Variants in NTAN1 observed in about 807,000 individuals in gnomAD.
NTAN1 encodes the protein N-terminal asparagine amidase, also known as protein N-terminal asparagine amidohydrolase.
Under a neutral mutation model 41.9 loss-of-function variants are expected in NTAN1, and 32 were observed. The observed-to-expected ratio is 0.76, with a 90% confidence interval of 0.58 to 1.03. NTAN1 has a LOEUF of 1.03. Among genes scored for constraint, NTAN1 ranks in the 50% least tolerant of loss-of-function variants. The pLI, the probability that NTAN1 is intolerant of heterozygous loss-of-function variation, is 0.00. For synonymous variants in NTAN1, 140 were observed against 139.5 expected, an observed-to-expected ratio of 1.00 and a Z score of -0.03; for missense variants, 377 against 377.5, an observed-to-expected ratio of 1.00 and a Z score of 0.01.
At chr16:15,047,743 G>A (rs1384268194) in intron 3 of NTAN1, 112 bp downstream of exon 3, 30 of 1,013,894 alleles carry the variant, frequency 3.0e-5, no homozygotes, top group Non-Finnish European at 7.8e-6. Flanking sequence ...CAGAAAAAAG[G>A]TAAGCGGAGT....
Position 15,055,981 on chromosome 16 carries a change from G to A in NTAN1, c.-10C>T, listed in dbSNP as rs917717457. On this transcript the variant is annotated 5_prime_UTR_variant, in exon 1 of 10. Coordinates refer to ENST00000287706, the MANE Select transcript of NTAN1 (RefSeq NM_173474.4). ...CGACGAGCAGCGGCATCGCGGAGGCGGCCGCCCAGGCAGGCCCAGGGAGGC... is the reference window on the plus strand; with the variant it reads ...CGACGAGCAGCGGCATCGCGGAGGCAGCCGCCCAGGCAGGCCCAGGGAGGC... The A allele has an allele frequency of 1.2e-5, 15 of 1,215,700 alleles. No individual in the cohort carries two copies. The highest frequency in any genetic ancestry group is 3.2e-4 in the Middle Eastern group (1 of 3,168). The allele number at this position is 1,215,700 out of a possible 1,614,324, so 75.3% of individuals were successfully genotyped here. A position where few individuals can be genotyped will look rare whatever the true frequency, so the allele number is the denominator to read the frequency against.
intron 1 of NTAN1, 46 bp downstream of exon 1, chr16:15,055,845 C>T: frequency 9.4e-7 from 1 of 1,060,596 alleles, no homozygotes; most frequent in Non-Finnish European, 1.2e-6. Flanking sequence ...CGCCCTGCAG[C>T]TTCCCCTCGG....
At chr16:15,040,952 G>A (rs1230041806) in intron 7 of NTAN1, 116 bp downstream of exon 7, 4 of 758,162 alleles carry the variant, frequency 5.3e-6, no homozygotes, top group African/African-American at 3.5e-5. Context: ...GAGTAGCTGG[G>A]ATCTGAACCC....
chr16:15,042,656 C>A (rs1350097529), intron 5 of NTAN1, among the ~76,000 whole-genome samples: 1 of 152,116 alleles, frequency 6.6e-6, no homozygotes, highest in African/African-American at 2.4e-5. Flanking sequence ...TCTCTATGCA[C>A]ATTTCAGATT....
intron 7 of NTAN1, 49 bp downstream of exon 7, chr16:15,041,019 C>T: frequency 1.6e-6 from 2 of 1,271,944 alleles, no homozygotes; most frequent in Admixed American, 1.7e-5. Context: ...TAGACTTTAA[C>T]TGCACATGTG....
At chr16:15,039,908 G>A (rs956056062) in intron 8 of NTAN1, 61 bp downstream of exon 8, 1 of 932,164 alleles carries the variant, frequency 1.1e-6, no homozygotes, top group African/African-American at 1.7e-5. Flanking sequence ...AAAAACTTAA[G>A]GCCTTGACAT....
chr16:15,047,361 C>T (rs2044116556), intron 4 of NTAN1, 81 bp downstream of exon 4: 3 of 920,240 alleles, frequency 3.3e-6, no homozygotes, highest in Non-Finnish European at 3.6e-6. Flanking sequence ...TCCTGTGTTC[C>T]CCTAACAGCT....
At chr16:15,038,409 A>ATCCCCATTTGATAT in intron 9 of NTAN1, 165 bp downstream of exon 9, 1 of 624,332 alleles carries the variant, frequency 1.6e-6, no homozygotes, top group Non-Finnish European at 2.8e-6. Flanking sequence ...GACTTGACAT[A>ATCCCCATTTGATAT]TCCCCATTTG....
At chr16:15,041,029 G>C (rs922989358) in intron 7 of NTAN1, 39 bp downstream of exon 7, 33 of 1,422,732 alleles carry the variant, frequency 2.3e-5, no homozygotes, top group Non-Finnish European at 2.9e-5. Flanking sequence ...CTGCACATGT[G>C]ACCAAGACTC....
chr16:15,052,476 T>C (rs1395850188), intron 1 of NTAN1, among the ~76,000 whole-genome samples: 1 of 152,150 alleles, frequency 6.6e-6, no homozygotes, highest in Admixed American at 6.5e-5. Flanking sequence ...GTTTATCAAT[T>C]CTTCCTTTAT....
rs1036066573 is a variant in NTAN1, at chr16:15,047,160, G to A, written c.359+282C>T. On this transcript the variant is annotated intron_variant, in intron 4 of 9. Coordinates refer to ENST00000287706, the MANE Select transcript of NTAN1 (RefSeq NM_173474.4). ...TACCACACCCGGGGGAGAGCAAAAC[G>A]ATGTGAAAATCGCAACCTCGACGTT... 9 of 462,604 alleles carry A rather than the reference G, an allele frequency of 1.9e-5. No homozygotes were observed. In the East Asian group the frequency reaches 2.3e-4, roughly 12 times the overall value. 28.7% of individuals were successfully genotyped at this position (462,604 alleles called of 1,614,324 possible).
At position 15,047,432 on chromosome 16, in the gene NTAN1, T is replaced by A; in HGVS notation, c.359+10A>T. 1 of 1,526,880 alleles carries A rather than the reference T, an allele frequency of 6.5e-7. No individual in the cohort carries two copies. Among genetic ancestry groups the A allele is most frequent in the Non-Finnish European group, 9.1e-7 (1 of 1,100,126 alleles). 94.6% of individuals were successfully genotyped at this position (1,526,880 alleles called of 1,614,324 possible). A position where few individuals can be genotyped will look rare whatever the true frequency, so the allele number is the denominator to read the frequency against. ...TCTCAATTCACCTATGAGAGCAGCG[T>A]AGATCTCACCTTCCACATTGAGCGT... On this transcript the variant is annotated intron_variant, in intron 4 of 9. Transcript: ENST00000287706.
chr16:15,052,961 G>C (rs1640691974), intron 1 of NTAN1, among the ~76,000 whole-genome samples: 1 of 152,168 alleles, frequency 6.6e-6, no homozygotes, highest in Admixed American at 6.5e-5. Context: ...GGTTAAGAGT[G>C]ACTAAGGGAG....
intron 3 of NTAN1, 32 bp from the exon 4 acceptor site, chr16:15,047,582 T>C (rs923858115): frequency 1.5e-5 from 22 of 1,474,714 alleles, no homozygotes; most frequent in Non-Finnish European, 1.2e-5. Flanking sequence ...ACTCAAGTTA[T>C]TCCCTGATGC....
At chr16:15,055,826 G>T in intron 1 of NTAN1, 65 bp downstream of exon 1, 2 of 880,574 alleles carry the variant, frequency 2.3e-6, no homozygotes, top group East Asian at 3.4e-5. Flanking sequence ...CGTGAGGGGG[G>T]CGCTAGCCCG....
chr16:15,050,095 G>C (rs2044238421), intron 1 of NTAN1, among the ~76,000 whole-genome samples: 1 of 152,044 alleles, frequency 6.6e-6, no homozygotes, highest in African/African-American at 2.4e-5. Flanking sequence ...AAAACAAAAT[G>C]GATAAGGCAA....
rs768118438 is a variant in NTAN1 at position 15,037,990 on chromosome 16, T to TGTCA, written c.*37_*40dup. The TGTCA allele has an allele frequency of 2.0e-6, 3 of 1,507,274 alleles. No individual in the cohort carries two copies. In the East Asian group the frequency reaches 6.8e-5, roughly 34 times the overall value. The allele number at this position is 1,507,274 out of a possible 1,614,324, so 93.4% of individuals were successfully genotyped here. On this transcript the variant is annotated 3_prime_UTR_variant, in exon 10 of 10. Transcript: ENST00000287706. ...ATTCGTGCCAGCCCCACCAATGGTC[T>TGTCA]GTCAGGCCAAGAAGGTGCTTTCTTT... is the stretch of plus-strand genomic sequence containing the variant.
At chr16:15,047,275 A>G (rs2044111869) in intron 4 of NTAN1, 167 bp downstream of exon 4, 3 of 610,904 alleles carry the variant, frequency 4.9e-6, no homozygotes, top group Non-Finnish European at 8.8e-6. Flanking sequence ...TCATTCACTC[A>G]ACCACTGCTG....
At chr16:15,053,932 C>T (rs1350438318) in intron 1 of NTAN1, among the ~76,000 whole-genome samples, 2 of 149,402 alleles carry the variant, frequency 1.3e-5, no homozygotes, top group Non-Finnish European at 2.9e-5. Context: ...ACCAACCAAA[C>T]AAACAAACAA....
Sources: gnomAD v4.1 joint callset for allele counts (sites outside exome capture counted in the v4.1 genomes callset) on GRCh38, gnomAD v4.1.1 for gene constraint, MANE v1.5 for transcripts, NCBI Gene and HGNC (gene_info 2026-07-23, HGNC 2026-07-21) for gene names.